Variants in HK1 observed in about 807,000 individuals in gnomAD.
HK1 encodes the protein hexokinase 1, also known as hexokinase-1.
A neutral mutation model predicts 91.6 loss-of-function variants in HK1; 28 were observed. That is an observed-to-expected ratio of 0.31 (90% CI 0.23 to 0.42). HK1 has a LOEUF of 0.42. Ranked by LOEUF, HK1 falls within the 10% of genes least tolerant of loss-of-function variation. HK1 has a pLI of 1.00. For synonymous variants in HK1, 430 were observed against 468.1 expected (o/e 0.92, Z 1.05); for missense variants, 770 against 1,219.8 (o/e 0.63, Z 5.49).
At chr10:69,346,082 G>GTGTTGTGCCA (rs1464657627) in intron 2 of HK1, among the ~76,000 whole-genome samples, 1 of 152,094 alleles carries the variant, frequency 6.6e-6, no homozygotes, top group Non-Finnish European at 1.5e-5. Context: ...CTGCCCCTTC[G>GTGTTGTGCCA]TGTTGTGCCG....
At chr10:69,295,021 G>A (rs1029653706) in intron 3 of HK1, among the ~76,000 whole-genome samples, 15 of 146,190 alleles carry the variant, frequency 1.0e-4, no homozygotes, top group Admixed American at 3.4e-4. Context: ...CAGAGAGAGA[G>A]AGAGAGAGAG....
chr10:69,389,439 A>G (rs1589580784), intron 14 of HK1, 143 bp downstream of exon 14: 2 of 386,692 alleles, frequency 5.2e-6, no homozygotes, highest in African/African-American at 2.8e-5. Context: ...TCCAGAGTTC[A>G]GGGCTGGACG....
chr10:69,337,076 C>A (rs558496610), intron 1 of HK1, among the ~76,000 whole-genome samples: 16 of 152,244 alleles, frequency 1.1e-4, no homozygotes, highest in Non-Finnish European at 2.9e-5. Flanking sequence ...TCCCCATAAC[C>A]CTCTGAAGTG....
chr10:69,287,676 G>A (rs1452065228), intron 2 of HK1, among the ~76,000 whole-genome samples: 2 of 152,146 alleles, frequency 1.3e-5, no homozygotes, highest in African/African-American at 4.8e-5. Context: ...TCTGGAATTA[G>A]TGATGATGGT....
At chr10:69,356,981 G>T (rs1489538381) in intron 2 of HK1, among the ~76,000 whole-genome samples, 1 of 150,376 alleles carries the variant, frequency 6.6e-6, no homozygotes, top group African/African-American at 2.5e-5. Flanking sequence ...TAAGCACATA[G>T]AAATGTACTC....
upstream of HK1, chr10:69,318,836 G>GGGA (rs559346976): frequency 3.6e-5 from 53 of 1,458,692 alleles, 1 homozygote; most frequent in Middle Eastern, 2.4e-4. Flanking sequence ...GAGGAGCCGG[G>GGGA]GGAGGAGGAG....
intron 3 of HK1, among the ~76,000 whole-genome samples, chr10:69,295,209 T>C (rs1310019713): frequency 6.6e-6 from 1 of 152,146 alleles, no homozygotes; most frequent in African/African-American, 2.4e-5. Flanking sequence ...GGGCCTGCGG[T>C]TCAGTAGGGA....
chr10:69,336,190 T>G (rs1160680238), intron 1 of HK1, among the ~76,000 whole-genome samples: 1 of 152,190 alleles, frequency 6.6e-6, no homozygotes, highest in Non-Finnish European at 1.5e-5. Context: ...TGTTATTGCT[T>G]CTTTTTTGTT....
At chr10:69,340,757 A>G (rs1848246587) in intron 1 of HK1, among the ~76,000 whole-genome samples, 1 of 151,260 alleles carries the variant, frequency 6.6e-6, no homozygotes, top group African/African-American at 2.4e-5. Flanking sequence ...CAGACACACA[A>G]CTCTCATCAT....
chr10:69,388,105 G>C (rs573211986), intron 13 of HK1, among the ~76,000 whole-genome samples: 1 of 152,202 alleles, frequency 6.6e-6, no homozygotes, highest in Non-Finnish European at 1.5e-5. Flanking sequence ...GCATCTGGAA[G>C]GGTATGCTAC....
In HK1 at chr10:69,343,918, C is replaced by G; in HGVS notation, c.155C>G (p.Ser52Cys). 4 of 1,614,014 alleles carry G rather than the reference C, an allele frequency of 2.5e-6. No individual in the cohort carries two copies. Among genetic ancestry groups the G allele is most frequent in the African/African-American group, 1.3e-5 (1 of 75,036 alleles). The change falls in exon 2 of 18, where the codon TCC becomes TGC. Residue 52 changes from serine (S) to cysteine (C), a missense_variant. By Grantham distance (112) the Ser-to-Cys change is moderately radical (BLOSUM62 -1). Transcript: ENST00000359426. Reference sequence around the variant, plus strand: ...AGGAAGGAGATGAAGAATGGCCTCTCCCGGGATTTTAATCCAACAGCCACA... The same window carrying G: ...AGGAAGGAGATGAAGAATGGCCTCTGCCGGGATTTTAATCCAACAGCCACA... ...RFRKEMKNGLSRDFNPTATVK... is the reference protein window; with the variant it reads ...RFRKEMKNGLCRDFNPTATVK...
chr10:69,329,044 T>G (rs80088304), intron 1 of HK1, among the ~76,000 whole-genome samples: 6,939 of 152,308 alleles, frequency 0.046, 321 homozygotes, highest in African/African-American at 0.11. Flanking sequence ...CATTTTGTTT[T>G]TCCATTTGTC....
intron 4 of HK1, chr10:69,300,476 C>T: frequency 1.2e-6 from 1 of 839,314 alleles, no homozygotes; most frequent in Non-Finnish European, 1.9e-6. Flanking sequence ...TTTCGTCTTG[C>T]TTCTTTATGG....
intron 3 of HK1, among the ~76,000 whole-genome samples, chr10:69,364,207 A>T (rs1364356393): frequency 1.3e-5 from 2 of 152,212 alleles, no homozygotes; most frequent in African/African-American, 4.8e-5. Context: ...GGTTACATGG[A>T]TAGCTGCAGC....
At chr10:69,354,662 T>TGAAG (rs1849042672) in intron 2 of HK1, among the ~76,000 whole-genome samples, 1 of 151,782 alleles carries the variant, frequency 6.6e-6, no homozygotes, top group Non-Finnish European at 1.5e-5. Flanking sequence ...AATGAATGAA[T>TGAAG]GGACCACCAG....
At chr10:69,317,262 A>C (rs1490914955), upstream of HK1, among the ~76,000 whole-genome samples, 1 of 152,142 alleles carries the variant, frequency 6.6e-6, no homozygotes, top group Admixed American at 6.5e-5. Context: ...ATTACACAAC[A>C]ATCAAGGGGA....
rs1240341096 is a variant in HK1 at position 69,276,121 on chromosome 10, AC to A, written c.-391+6014del. 1.2e-4 allele frequency among the ~76,000 whole-genome samples: 9 copies of A among 72,574 alleles called. 1 individual carries two copies. The highest frequency in any genetic ancestry group is 5.4e-4 in the South Asian group (1 of 1,862). 47.6% of individuals were successfully genotyped at this position (72,574 alleles called of 152,430 possible). A position where few individuals can be genotyped will look rare whatever the true frequency, so the allele number is the denominator to read the frequency against. ...AAAAAAAAAAAAAAAAAAAAAAAAT[AC>A]ATATATATATATATATACACATATA... On this transcript the variant is annotated intron_variant, in intron 1 of 21. Transcript: ENST00000360289.
At chr10:69,370,652 AG>A (rs1849950077) in intron 7 of HK1, among the ~76,000 whole-genome samples, 1 of 152,200 alleles carries the variant, frequency 6.6e-6, no homozygotes, top group South Asian at 2.1e-4. Flanking sequence ...GAGGTAGGGC[AG>A]ACATGCAAAT....
chr10:69,304,902 G>A (rs1158574945), intron 5 of HK1, among the ~76,000 whole-genome samples: 1 of 152,148 alleles, frequency 6.6e-6, no homozygotes, highest in Non-Finnish European at 1.5e-5. Context: ...GAGGCCTGGA[G>A]GCTAGAAGTC....
Sources: gnomAD v4.1 joint callset for allele counts (sites outside exome capture counted in the v4.1 genomes callset) on GRCh38, gnomAD v4.1.1 for gene constraint, MANE v1.5 for transcripts, NCBI Gene and HGNC (gene_info 2026-07-23, HGNC 2026-07-21) for gene names.